Variants in SLC6A18 observed in about 807,000 individuals in gnomAD.
SLC6A18 encodes solute carrier family 6 member 18.
A neutral mutation model predicts 62.9 loss-of-function variants in SLC6A18; 58 were observed. The observed-to-expected ratio is 0.92, with a 90% confidence interval of 0.75 to 1.15. The LOEUF is 1.15. Among genes scored for constraint, SLC6A18 ranks in the 50% most tolerant of loss-of-function variants. SLC6A18 has a pLI of 0.00. For synonymous variants in SLC6A18, 382 were observed against 365.8 expected, an observed-to-expected ratio of 1.04 and a Z score of -0.51; for missense variants, 793 against 836.6, an observed-to-expected ratio of 0.95 and a Z score of 0.64.
chr5:1,230,902 T>C (rs1282226711), intron 1 of SLC6A18, among the ~76,000 whole-genome samples: 2 of 152,130 alleles, frequency 1.3e-5, no homozygotes, highest in African/African-American at 4.8e-5. Context: ...CCCGAACTCG[T>C]GCACAGACGG....
chr5:1,244,261 C>A lies in SLC6A18; in HGVS notation c.1384C>A (p.Gln462Lys). The A allele has an allele frequency of 6.2e-7, 1 of 1,613,050 alleles. No homozygotes were observed. The highest frequency in any genetic ancestry group is 1.1e-5 in the South Asian group (1 of 91,056). Residue 462 changes from glutamine to lysine, a missense_variant, in exon 10 of 12, where the codon CAG becomes AAG. By Grantham distance (53) the Gln-to-Lys change is moderately conservative. Coordinates refer to ENST00000324642, the MANE Select transcript of SLC6A18 (RefSeq NM_182632.3). ...CFLSATCFTL[Q>K]SGNYWLEIFD... is the part of the protein sequence containing the mutation. ...CCTCTCCGCCACCTGCTTCACGCTGCAGTCTGGGAACTACTGGCTGGAGAT... is the reference window on the plus strand; with the variant it reads ...CCTCTCCGCCACCTGCTTCACGCTGAAGTCTGGGAACTACTGGCTGGAGAT...
At chr5:1,235,779 G>T in intron 4 of SLC6A18, 117 bp downstream of exon 4, 1 of 965,158 alleles carries the variant, frequency 1.0e-6, no homozygotes, top group Non-Finnish European at 1.6e-6. Context: ...TAAACATCTA[G>T]GATTGCAACG....
chr5:1,228,404 G>GTC (rs889495880), intron 1 of SLC6A18, among the ~76,000 whole-genome samples: 1 of 152,186 alleles, frequency 6.6e-6, no homozygotes, highest in Non-Finnish European at 1.5e-5. Context: ...CCCTGGGCGT[G>GTC]TCTCTGGTTG....
chr5:1,232,451 G>A (rs1214245159), intron 2 of SLC6A18, 92 bp downstream of exon 2: 1 of 1,498,264 alleles, frequency 6.7e-7, no homozygotes, highest in Admixed American at 2.0e-5. Context: ...CCATGCCTGT[G>A]GTACGGAAGC....
At position 1,243,849 on chromosome 5, in the gene SLC6A18, G is replaced by C; in HGVS notation, c.1336+90G>C. On this transcript the variant is annotated intron_variant, in intron 9 of 11. Transcript: ENST00000324642. The surrounding 1 kb of genome is among the most constrained non-coding windows in gnomAD (Gnocchi z 6.5). ...GCTGTCCAGACGCCCCTCCTGGATGGAGAGCGCAAGGGGCCAAGCCTGAGT... is the reference window on the plus strand; with the variant it reads ...GCTGTCCAGACGCCCCTCCTGGATGCAGAGCGCAAGGGGCCAAGCCTGAGT... 9.5e-6 allele frequency: 12 copies of C among 1,265,320 alleles called. No homozygotes were observed. The highest frequency in any genetic ancestry group is 1.3e-5 in the Non-Finnish European group (12 of 929,432). The allele number at this position is 1,265,320 out of a possible 1,614,324, so 78.4% of individuals were successfully genotyped here. A position where few individuals can be genotyped will look rare whatever the true frequency, so the allele number is the denominator to read the frequency against.
intron 1 of SLC6A18, among the ~76,000 whole-genome samples, chr5:1,227,063 G>T (rs1746599215): frequency 7.0e-6 from 1 of 142,110 alleles, no homozygotes. Flanking sequence ...CCGACACCTT[G>T]CCCGCCGACC....
At chr5:1,226,977 TTGCCCACC>T (rs1561173304) in intron 1 of SLC6A18, among the ~76,000 whole-genome samples, 6 of 148,042 alleles carry the variant, frequency 4.1e-5, no homozygotes, top group African/African-American at 7.5e-5. Context: ...CACCGACGCC[TTGCCCACC>T]GATGCCTTGC....
At position 1,244,390 on chromosome 5, in the gene SLC6A18, C is replaced by G. The variant is rs1747157685; in HGVS notation, c.1496+17C>G. 4 of 1,613,538 alleles carry G rather than the reference C, an allele frequency of 2.5e-6. No individual in the cohort carries two copies. Among genetic ancestry groups the G allele is most frequent in the African/African-American group, 1.3e-5 (1 of 74,926 alleles). ...AATGAAACGGTGAGCTGCCGCCCCGCCGAGTGCTCCTCTGGGACCCACCAG... is the reference window on the plus strand; with the variant it reads ...AATGAAACGGTGAGCTGCCGCCCCGGCGAGTGCTCCTCTGGGACCCACCAG... On this transcript the variant is annotated intron_variant, in intron 10 of 11. Coordinates refer to ENST00000324642, the MANE Select transcript of SLC6A18 (RefSeq NM_182632.3).
At chr5:1,235,122 G>A (rs552036848) in intron 3 of SLC6A18, among the ~76,000 whole-genome samples, 26 of 152,312 alleles carry the variant, frequency 1.7e-4, no homozygotes, top group Admixed American at 7.8e-4. Context: ...ACATGCAGCC[G>A]CTCTCCGTCC....
chr5:1,244,247 C>T lies in SLC6A18; in HGVS notation c.1370C>T (p.Thr457Ile), dbSNP rs1747150528. The T allele has an allele frequency of 2.5e-6, 4 of 1,613,916 alleles. No individual in the cohort carries two copies. Among genetic ancestry groups the T allele is most frequent in the Non-Finnish European group, 3.4e-6 (4 of 1,179,976 alleles). ...LVCLVCFLSA[T>I]CFTLQSGNYW... ...TGCCTGGTCTGCTTCCTCTCCGCCA[C>T]CTGCTTCACGCTGCAGTCTGGGAAC... The change falls in exon 10 of 12, where the codon ACC (threonine) becomes ATC (isoleucine). Residue 457 changes from threonine (T) to isoleucine (I), a missense_variant. Coordinates refer to ENST00000324642, the MANE Select transcript of SLC6A18 (RefSeq NM_182632.3).
rs368927492 is a variant in SLC6A18, at chr5:1,240,675, G to A, written c.974+16G>A. 130 of 1,612,484 alleles carry A rather than the reference G, an allele frequency of 8.1e-5. 2 individuals are homozygous for A. The highest frequency in any genetic ancestry group is 1.0e-4 in the Non-Finnish European group (118 of 1,179,668). On this transcript the variant is annotated intron_variant, in intron 7 of 11. Transcript: ENST00000324642. ...GCCTGGACAGGTGAGCACAGGTGCC[G>A]CGCCTGGCTCTGTGGGGCACAGCCG...
intron 4 of SLC6A18, among the ~76,000 whole-genome samples, chr5:1,236,576 C>T (rs1746888474): frequency 6.6e-6 from 1 of 152,202 alleles, no homozygotes; most frequent in Non-Finnish European, 1.5e-5. Flanking sequence ...AAGAAGAGTT[C>T]TTACCCTGTA....
In SLC6A18 at chr5:1,243,007, C is replaced by T; in HGVS notation, c.1131+144C>T. 9.6e-7 allele frequency: 1 copy of T among 1,040,926 alleles called. No homozygotes were observed. 64.5% of individuals were successfully genotyped at this position (1,040,926 alleles called of 1,614,324 possible). A position where few individuals can be genotyped will look rare whatever the true frequency, so the allele number is the denominator to read the frequency against. ...CTGTGAACCAAGAACCCCAGTCTAT[C>T]TTTGTCTCAGGTTGCCAGGCCTCCT... On this transcript the variant is annotated intron_variant, in intron 8 of 11. Transcript: ENST00000324642. This position sits in a 1 kb window ranked among gnomAD's most constrained non-coding sequence, Gnocchi z 6.5.
Position 1,230,901 on chromosome 5 carries a change from G to A in SLC6A18, c.161-1318G>A, listed in dbSNP as rs533960528. On this transcript the variant is annotated intron_variant, in intron 1 of 11. Coordinates refer to ENST00000324642, the MANE Select transcript of SLC6A18 (RefSeq NM_182632.3). The stretch of plus-strand genomic sequence containing the variant: ...TGGAGCTGCACAGAGACCCGAACTC[G>A]TGCACAGACGGTGACTCGCTTGGGG... Among the ~76,000 whole-genome samples, 8 of 152,280 alleles carry A rather than the reference G, an allele frequency of 5.3e-5. No individual in the cohort carries two copies. In the South Asian group the frequency reaches 1.2e-3, roughly 24 times the overall value.
Position 1,225,491 on chromosome 5 carries a change from C to T in SLC6A18, c.14C>T (p.Pro5Leu). Reference sequence around the variant, plus strand: ...CACTCAGTCACCATGGCTCATGCCCCAGAACCGGACCCGGCCGCCTGCGAC... The same window carrying T: ...CACTCAGTCACCATGGCTCATGCCCTAGAACCGGACCCGGCCGCCTGCGAC... Reference protein sequence around the residue: MAHAPEPDPAACDLG... With the variant: MAHALEPDPAACDLG... The change falls in exon 1 of 12, where the codon CCA (proline) becomes CTA (leucine). Residue 5 changes from proline (P) to leucine (L), a missense_variant. Transcript: ENST00000324642. The T allele has an allele frequency of 6.2e-7, 1 of 1,612,482 alleles. No homozygotes were observed. The highest frequency in any genetic ancestry group is 8.5e-7 in the Non-Finnish European group (1 of 1,179,400).
At chr5:1,233,162 C>T (rs538633129) in intron 3 of SLC6A18, among the ~76,000 whole-genome samples, 47 of 152,300 alleles carry the variant, frequency 3.1e-4, no homozygotes, top group Admixed American at 1.0e-3. Context: ...CGTGGTCATG[C>T]GAGGGCACTG....
intron 1 of SLC6A18, among the ~76,000 whole-genome samples, chr5:1,226,632 C>A (rs1205800388): frequency 1.3e-5 from 2 of 152,170 alleles, no homozygotes; most frequent in Non-Finnish European, 2.9e-5. Flanking sequence ...AAGAAACACC[C>A]GTCACTGCCA....
rs1026567479 is a variant in SLC6A18, at chr5:1,239,493, C to A, written c.776C>A (p.Thr259Asn). 4.3e-6 allele frequency: 7 copies of A among 1,614,054 alleles called. No homozygotes were observed. The highest frequency in any genetic ancestry group is 5.1e-6 in the Non-Finnish European group (6 of 1,180,016). ...QNPRVWLDAA[T>N]QIFFSLSLAF... ...CCCCGGGTGTGGCTGGACGCAGCCACCCAGATATTCTTCTCTCTGTCCCTG... is the reference window on the plus strand; with the variant it reads ...CCCCGGGTGTGGCTGGACGCAGCCAACCAGATATTCTTCTCTCTGTCCCTG... Residue 259 changes from threonine to asparagine, a missense_variant, in exon 6 of 12, where the codon ACC (threonine) becomes AAC (asparagine). Coordinates refer to ENST00000324642, the MANE Select transcript of SLC6A18 (RefSeq NM_182632.3).
At chr5:1,234,704 C>A (rs1746840003) in intron 3 of SLC6A18, among the ~76,000 whole-genome samples, 1 of 152,202 alleles carries the variant, frequency 6.6e-6, no homozygotes, top group Admixed American at 6.5e-5. Flanking sequence ...CCATGCCCTT[C>A]CCTCAGCCAA....
Sources: allele counts gnomAD v4.1 joint callset (sites outside exome capture counted in the v4.1 genomes callset), GRCh38; gene constraint gnomAD v4.1.1; non-coding constraint Gnocchi (gnomAD v3.1); transcripts MANE v1.5; gene names NCBI Gene and HGNC (gene_info 2026-07-23, HGNC 2026-07-21).